Variants in EYS observed in about 807,000 individuals in gnomAD.
EYS encodes protein eyes shut homolog.
In EYS, 250 loss-of-function variants were observed where a neutral mutation model predicts 282.1. That is an observed-to-expected ratio of 0.89 (90% CI 0.80 to 0.98). EYS has a LOEUF of 0.98. Among genes scored for constraint, EYS ranks in the 50% least tolerant of loss-of-function variants. The pLI is 0.00. For missense variants in EYS, 4,016 were observed against 3,709.0 expected, an observed-to-expected ratio of 1.08 and a Z score of -2.15; for synonymous variants, 1,355 against 1,282.9, an observed-to-expected ratio of 1.06 and a Z score of -1.20.
chr6:64,523,829 C>T (rs1777833138), intron 26 of EYS, among the ~76,000 whole-genome samples: 1 of 151,630 alleles, frequency 6.6e-6, no homozygotes, highest in South Asian at 2.1e-4. Flanking sequence ...AGCACTTCCT[C>T]CTTCCTCCCT....
intron 19 of EYS, among the ~76,000 whole-genome samples, chr6:64,865,032 C>CA (rs894445445): frequency 2.0e-5 from 3 of 151,680 alleles, no homozygotes; most frequent in African/African-American, 4.8e-5. Context: ...AATCCTGTCT[C>CA]AAAAAAAGAA....
At chr6:65,651,192 A>G (rs1373085999) in intron 1 of EYS, among the ~76,000 whole-genome samples, 1 of 152,096 alleles carries the variant, frequency 6.6e-6, no homozygotes, top group African/African-American at 2.4e-5. Context: ...AAATGGGTGG[A>G]AATCAAAGAA....
chr6:65,398,872 G>A (rs1766386591), intron 7 of EYS, among the ~76,000 whole-genome samples: 1 of 151,978 alleles, frequency 6.6e-6, no homozygotes, highest in Non-Finnish European at 1.5e-5. Context: ...TTTTGGAAAT[G>A]GTATTAGAAA....
intron 15 of EYS, among the ~76,000 whole-genome samples, chr6:64,938,148 G>C (rs1241725006): frequency 6.6e-6 from 1 of 151,494 alleles, no homozygotes; most frequent in Non-Finnish European, 1.5e-5. Flanking sequence ...AGAGGCTATG[G>C]TAATGGTATG....
At chr6:64,527,515 G>A (rs1777963116) in intron 26 of EYS, among the ~76,000 whole-genome samples, 1 of 151,638 alleles carries the variant, frequency 6.6e-6, no homozygotes, top group Non-Finnish European at 1.5e-5. Context: ...TTGTTCACAC[G>A]ACTATCCTTG....
intron 12 of EYS, among the ~76,000 whole-genome samples, chr6:65,185,926 T>C (rs1194407200): frequency 4.6e-5 from 7 of 151,726 alleles, no homozygotes; most frequent in Non-Finnish European, 1.0e-4. Flanking sequence ...ATTGATATTC[T>C]CTTTAGAAAT....
chr6:63,956,152 A>T (rs543082786), intron 35 of EYS, among the ~76,000 whole-genome samples: 56 of 152,352 alleles, frequency 3.7e-4, no homozygotes, highest in South Asian at 1.2e-3. Flanking sequence ...ATATAAGAAG[A>T]CAGGAATGTC....
At chr6:65,485,444 C>T (rs1413576135) in intron 5 of EYS, among the ~76,000 whole-genome samples, 3 of 152,164 alleles carry the variant, frequency 2.0e-5, no homozygotes, top group Non-Finnish European at 4.4e-5. Context: ...TCTGTGCATA[C>T]AAAAAGTAAA....
intron 14 of EYS, among the ~76,000 whole-genome samples, chr6:64,969,898 A>G (rs1188627808): frequency 2.0e-5 from 3 of 152,146 alleles, no homozygotes; most frequent in Non-Finnish European, 4.4e-5. Context: ...GATGTTACCT[A>G]AACTTTCCAA....
intron 29 of EYS, among the ~76,000 whole-genome samples, chr6:64,319,744 C>T (rs554238731): frequency 9.2e-5 from 14 of 151,486 alleles, no homozygotes; most frequent in African/African-American, 2.4e-4. Context: ...GATAGATAGA[C>T]AGACAGACAG....
intron 33 of EYS, among the ~76,000 whole-genome samples, chr6:64,026,090 G>A (rs184687907): frequency 6.1e-4 from 93 of 152,258 alleles, no homozygotes; most frequent in African/African-American, 1.5e-3. Flanking sequence ...CTGCTGCTGC[G>A]TCAGTGAGCG....
rs940065327 is a variant in EYS, at chr6:63,720,943, C to T, written c.9088G>A (p.Val3030Met). The change falls in exon 43 of 43, where the codon GTG becomes ATG. Residue 3030 changes from valine to methionine, a missense_variant. Val to Met is a conservative substitution (Grantham distance 21). Transcript: ENST00000503581. ...GTGCCATTGTTATAGCTCATAGGCA[C>T]AGAGATTCTTTCTCCCAAGTTAACT... is the stretch of plus-strand genomic sequence containing the variant. ...IAVNLGERIS[V>M]PMSYNNGTFC... is the part of the protein sequence containing the mutation. The T allele has an allele frequency of 1.9e-6, 3 of 1,551,284 alleles. No homozygotes were observed. Among genetic ancestry groups the T allele is most frequent in the Admixed American group, 2.0e-5 (1 of 50,976 alleles).
chr6:64,731,219 G>A (rs1476558754), intron 22 of EYS, among the ~76,000 whole-genome samples: 1 of 151,980 alleles, frequency 6.6e-6, no homozygotes, highest in Non-Finnish European at 1.5e-5. Context: ...ATAGGCATGG[G>A]CAAAGACTAC....
At chr6:63,859,965 A>C (rs946051003) in intron 36 of EYS, among the ~76,000 whole-genome samples, 1 of 152,214 alleles carries the variant, frequency 6.6e-6, no homozygotes, top group African/African-American at 2.4e-5. Context: ...ATGAAATAAA[A>C]CTAGCTGATT....
intron 22 of EYS, among the ~76,000 whole-genome samples, chr6:64,644,452 A>C (rs1004485455): frequency 6.6e-6 from 1 of 152,178 alleles, no homozygotes; most frequent in Non-Finnish European, 1.5e-5. Context: ...TTCTATTGTG[A>C]GGCTGATCAT....
intron 33 of EYS, among the ~76,000 whole-genome samples, chr6:64,017,766 G>A (rs898660165): frequency 6.6e-6 from 1 of 152,118 alleles, no homozygotes; most frequent in Non-Finnish European, 1.5e-5. Context: ...ATATGAAGTG[G>A]TGAGAACAGT....
intron 26 of EYS, among the ~76,000 whole-genome samples, chr6:64,455,324 A>G (rs1467732661): frequency 6.6e-6 from 1 of 152,178 alleles, no homozygotes; most frequent in Non-Finnish European, 1.5e-5. Context: ...ACCTTCAGAA[A>G]CAACACTGAA....
At chr6:64,111,132 C>T (rs1374356580) in intron 31 of EYS, among the ~76,000 whole-genome samples, 1 of 151,916 alleles carries the variant, frequency 6.6e-6, no homozygotes, top group African/African-American at 2.4e-5. Context: ...GTTTCTGTTA[C>T]AGGGGGAATA....
At chr6:65,362,009 A>G (rs528724217) in intron 8 of EYS, among the ~76,000 whole-genome samples, 92 of 152,270 alleles carry the variant, frequency 6.0e-4, no homozygotes, top group Non-Finnish European at 9.4e-4. Flanking sequence ...GTATCTCATA[A>G]AAGTGCACCA....
Sources: gnomAD v4.1 joint callset for allele counts (sites outside exome capture counted in the v4.1 genomes callset) on GRCh38, gnomAD v4.1.1 for gene constraint, MANE v1.5 for transcripts, NCBI Gene and HGNC (gene_info 2026-07-23, HGNC 2026-07-21) for gene names.